BPTF: variants seen among roughly 807,000 people sequenced by gnomAD.
The protein encoded by BPTF is bromodomain PHD finger transcription factor, also known as nucleosome-remodeling factor subunit BPTF.
BPTF carries 18 observed loss-of-function variants against 292.5 expected under a neutral mutation model. The ratio of observed to expected loss-of-function variants is 0.06; its 90% CI spans 0.04 to 0.09. The LOEUF is 0.09. Ranked by LOEUF, BPTF falls within the 10% of genes least tolerant of loss-of-function variation. The pLI is 1.00. For synonymous variants in BPTF, 1,225 were observed against 1,251.9 expected, an observed-to-expected ratio of 0.98 and a Z score of 0.45; for missense variants, 2,726 against 3,498.7, an observed-to-expected ratio of 0.78 and a Z score of 5.57.
Position 67,854,103 on chromosome 17 carries a change from T to G in BPTF, c.777T>G (p.Val259=). 1 of 1,614,214 alleles carries G rather than the reference T, an allele frequency of 6.2e-7. No individual in the cohort carries two copies. The highest frequency in any genetic ancestry group is 8.5e-7 in the Non-Finnish European group (1 of 1,180,046). The change falls in exon 2 of 28, where the codon GTT becomes GTG. Residue 259 remains valine (V), a synonymous_variant. Transcript: ENST00000306378. This position sits in a 1 kb window ranked among gnomAD's most constrained non-coding sequence, Gnocchi z 5.6. ...IYEVLRNFGT[V]LRLSPFRFED... ...AGGTACTGCGGAACTTTGGCACTGTTTTGAGATTATCTCCTTTTCGCTTTG... is the reference window on the plus strand; with the variant it reads ...AGGTACTGCGGAACTTTGGCACTGTGTTGAGATTATCTCCTTTTCGCTTTG...
At chr17:67,839,342 AAATCAG>A (rs2144291500) in intron 1 of BPTF, among the ~76,000 whole-genome samples, 2 of 152,284 alleles carry the variant, frequency 1.3e-5, no homozygotes, top group African/African-American at 4.8e-5. Flanking sequence ...TTTTAAAAAA[AAATCAG>A]CTATGGCTAT....
At chr17:67,913,262 T>TA (rs538308496) in intron 11 of BPTF, 75 bp downstream of exon 11, 1,602 of 1,476,786 alleles carry the variant, frequency 1.1e-3, no homozygotes, top group Non-Finnish European at 1.3e-3. Context: ...ATCTCATTTT[T>TA]AAAAAATGAG....
chr17:67,948,173 G>A lies in BPTF; in HGVS notation c.7793G>A (p.Ser2598Asn). 2 of 1,614,196 alleles carry A rather than the reference G, an allele frequency of 1.2e-6. No individual in the cohort carries two copies. The highest frequency in any genetic ancestry group is 1.7e-6 in the Non-Finnish European group (2 of 1,180,044). ...QAAKKRKREE[S>N]VEQKRSKQNA... is the part of the protein sequence containing the mutation. ...GCAAAAAAACGGAAGCGTGAAGAGA[G>A]TGTGGAGCAGAAACGTAGCAAGCAG... The change falls in exon 23 of 28, where the codon AGT becomes AAT. Residue 2598 changes from serine to asparagine, a missense_variant. Physicochemically the swap from Ser to Asn is conservative, Grantham distance 46 (BLOSUM62 1). This residue lies in a region of BPTF where 26 missense variants were observed against 60.6 expected (regional missense o/e 0.43). Transcript: ENST00000306378.
chr17:67,836,218 TAAGA>T (rs1199654262), intron 1 of BPTF, among the ~76,000 whole-genome samples: 7 of 152,350 alleles, frequency 4.6e-5, no homozygotes, highest in African/African-American at 1.7e-4. Flanking sequence ...TGAGATTTGC[TAAGA>T]AAGTTATACT....
chr17:67,967,182 G>A (rs1383393441), intron 26 of BPTF, among the ~76,000 whole-genome samples: 2 of 147,066 alleles, frequency 1.4e-5, no homozygotes, highest in South Asian at 2.2e-4. Context: ...TTGCTTTGTC[G>A]CCAGGCTGGA....
rs2070666619 is a variant in BPTF at position 67,984,074 on chromosome 17, CCTTTTA to C, written c.*1792_*1797del. 2 of 152,628 alleles carry C rather than the reference CCTTTTA, an allele frequency of 1.3e-5. No homozygotes were observed. The highest frequency in any genetic ancestry group is 3.4e-3 in the Middle Eastern group (1 of 294). The allele number at this position is 152,628 out of a possible 1,614,324, so 9.5% of individuals were successfully genotyped here. ...AGTAGTTAAATATGGGTTATTTTGT[CCTTTTA>C]CTTTTTTAAAAAATGTTACATATTG... On this transcript the variant is annotated 3_prime_UTR_variant, in exon 28 of 28. Coordinates refer to ENST00000306378, the MANE Select transcript of BPTF (RefSeq NM_182641.4).
intron 4 of BPTF, among the ~76,000 whole-genome samples, chr17:67,884,198 C>A (rs1446406814): frequency 6.8e-6 from 1 of 146,718 alleles, no homozygotes; most frequent in Non-Finnish European, 1.5e-5. Flanking sequence ...AGTGCAGTGG[C>A]GCAATCTCAG....
chr17:67,918,635 T>G, intron 11 of BPTF, 79 bp from the exon 12 acceptor site: 1 of 1,353,286 alleles, frequency 7.4e-7, no homozygotes, highest in Non-Finnish European at 1.0e-6. Flanking sequence ...AGCCCTTCAG[T>G]TTAGTAGAGT....
intron 23 of BPTF, among the ~76,000 whole-genome samples, chr17:67,950,233 C>G (rs561025672): frequency 2.9e-4 from 44 of 151,908 alleles, no homozygotes; most frequent in African/African-American, 1.0e-3. Flanking sequence ...TGCCCTCCAA[C>G]CTGGGCGACA....
intron 11 of BPTF, among the ~76,000 whole-genome samples, chr17:67,914,348 T>C (rs960567028): frequency 6.6e-6 from 1 of 152,270 alleles, no homozygotes. Flanking sequence ...ATAACTCATC[T>C]TTTGATTTGA....
intron 7 of BPTF, among the ~76,000 whole-genome samples, chr17:67,898,490 C>T (rs879036937): frequency 6.6e-6 from 1 of 151,432 alleles, no homozygotes; most frequent in Admixed American, 6.6e-5. Flanking sequence ...TTAATTTTTT[C>T]GTAGAGATGG....
At chr17:67,947,974 C>A in intron 22 of BPTF, 107 bp from the exon 23 acceptor site, 1 of 1,301,262 alleles carries the variant, frequency 7.7e-7, no homozygotes, top group Non-Finnish European at 1.1e-6. Flanking sequence ...TGACGTTTTC[C>A]AGTCACAGAA....
Position 67,884,582 on chromosome 17 carries a change from A to G in BPTF, c.1865-7262A>G, listed in dbSNP as rs1266177427. Among the ~76,000 whole-genome samples the G allele has an allele frequency of 2.0e-5, 3 of 151,824 alleles. No individual in the cohort carries two copies. In the East Asian group the frequency reaches 5.8e-4, roughly 29 times the overall value. On this transcript the variant is annotated intron_variant, in intron 4 of 27. Transcript: ENST00000306378. Reference sequence around the variant, plus strand: ...AGGCATGCACTACTATGCCTGGCTAATTTTTGTATTTTTCGTAGTGATGGA... The same window carrying G: ...AGGCATGCACTACTATGCCTGGCTAGTTTTTGTATTTTTCGTAGTGATGGA...
chr17:67,966,415 G>C, intron 25 of BPTF, 157 bp from the exon 26 acceptor site: 1 of 536,378 alleles, frequency 1.9e-6, no homozygotes. Context: ...GCTCATCTTA[G>C]GTAACTATTA....
intron 3 of BPTF, among the ~76,000 whole-genome samples, chr17:67,868,058 C>G (rs567015094): frequency 1.3e-5 from 2 of 152,182 alleles, no homozygotes; most frequent in Non-Finnish European, 2.9e-5. Context: ...TATGAGTATA[C>G]ATTCATGGAT....
chr17:67,873,464 A>G (rs1321425199), intron 3 of BPTF, among the ~76,000 whole-genome samples: 3 of 152,010 alleles, frequency 2.0e-5, no homozygotes, highest in Non-Finnish European at 2.9e-5. Context: ...ATCTCAAAAA[A>G]AAAAAAAAAG....
Position 67,982,503 on chromosome 17 carries a change from A to G in BPTF, c.*215A>G, listed in dbSNP as rs1263390878. ...TCAACGACACCATTATCTTGTCAAGATCAGATGGTTTTACTATTGTGGCAG... is the reference window on the plus strand; with the variant it reads ...TCAACGACACCATTATCTTGTCAAGGTCAGATGGTTTTACTATTGTGGCAG... On this transcript the variant is annotated 3_prime_UTR_variant, in exon 28 of 28. Coordinates refer to ENST00000306378, the MANE Select transcript of BPTF (RefSeq NM_182641.4). 2.3e-6 allele frequency: 1 copy of G among 431,730 alleles called. No individual in the cohort carries two copies. The highest frequency in any genetic ancestry group is 4.2e-6 in the Non-Finnish European group (1 of 238,288). 26.7% of individuals were successfully genotyped at this position (431,730 alleles called of 1,614,324 possible). A position where few individuals can be genotyped will look rare whatever the true frequency, so the allele number is the denominator to read the frequency against.
chr17:67,845,897 C>G (rs1279336963), intron 1 of BPTF, among the ~76,000 whole-genome samples: 1 of 151,406 alleles, frequency 6.6e-6, no homozygotes, highest in Non-Finnish European at 1.5e-5. Flanking sequence ...GGAATGTTTA[C>G]CAAACTATCC....
In BPTF at chr17:67,982,381, T is replaced by G; in HGVS notation, c.*93T>G. 3.3e-6 allele frequency: 4 copies of G among 1,224,082 alleles called. No individual in the cohort carries two copies. The highest frequency in any genetic ancestry group is 4.7e-6 in the Non-Finnish European group (4 of 843,936). 75.8% of individuals were successfully genotyped at this position (1,224,082 alleles called of 1,614,324 possible). A position where few individuals can be genotyped will look rare whatever the true frequency, so the allele number is the denominator to read the frequency against. On this transcript the variant is annotated 3_prime_UTR_variant, in exon 28 of 28. Coordinates refer to ENST00000306378, the MANE Select transcript of BPTF (RefSeq NM_182641.4). ...GAGCCAGATGTTTTTAGTCAGGCTA[T>G]CCTGACAAGACTTGACCTAAACTTC...
Sources: allele counts gnomAD v4.1 joint callset (sites outside exome capture counted in the v4.1 genomes callset), GRCh38; gene constraint gnomAD v4.1.1; regional missense constraint gnomAD v4.1.1; non-coding constraint Gnocchi (gnomAD v3.1); transcripts MANE v1.5; gene names NCBI Gene and HGNC (gene_info 2026-07-23, HGNC 2026-07-21).